The following RNF150 variants were observed in gnomAD, a reference collection of about 807,000 sequenced individuals.
RNF150 encodes the protein ring finger protein 150.
RNF150 carries 24 observed loss-of-function variants against 39.3 expected under a neutral mutation model. The observed-to-expected ratio is 0.61, with a 90% CI of 0.44 to 0.86. The LOEUF is 0.86. Ranked by LOEUF, RNF150 falls within the 40% of genes least tolerant of loss-of-function variation. The pLI is 0.00. For synonymous variants in RNF150, 255 were observed against 227.3 expected, an observed-to-expected ratio of 1.12 and a Z score of -1.10; for missense variants, 502 against 587.8, an observed-to-expected ratio of 0.85 and a Z score of 1.51.
intron 1 of RNF150, among the ~76,000 whole-genome samples, chr4:141,109,834 A>G (rs940335787): frequency 3.9e-5 from 6 of 152,218 alleles, no homozygotes; most frequent in African/African-American, 1.4e-4. Context: ...CCAAGATTCG[A>G]GAAAGAAAGA....
chr4:140,947,375 AC>A (rs368874034), intron 4 of RNF150, among the ~76,000 whole-genome samples: 52 of 152,352 alleles, frequency 3.4e-4, no homozygotes, highest in Non-Finnish European at 5.7e-4. Context: ...CTTGGCGGCC[AC>A]ATCATCAAAT....
intron 1 of RNF150, among the ~76,000 whole-genome samples, chr4:141,206,070 G>A (rs1032395971): frequency 1.1e-4 from 16 of 152,028 alleles, no homozygotes; most frequent in Non-Finnish European, 2.1e-4. Flanking sequence ...CTTTGCTGTC[G>A]TTGCTCTCTT....
intron 6 of RNF150, among the ~76,000 whole-genome samples, chr4:140,892,482 G>A (rs977355927): frequency 6.6e-6 from 1 of 152,194 alleles, no homozygotes; most frequent in Non-Finnish European, 1.5e-5. Context: ...AAAAAACCAC[G>A]AGTTTAAGCT....
intron 2 of RNF150, among the ~76,000 whole-genome samples, chr4:140,952,167 C>T (rs534640510): frequency 8.5e-5 from 13 of 152,068 alleles, no homozygotes; most frequent in Admixed American, 3.3e-4. Flanking sequence ...CCCGCCACCA[C>T]GCCTGGCTGA....
chr4:141,157,723 A>T (rs1035464407), intron 1 of RNF150, among the ~76,000 whole-genome samples: 18 of 152,296 alleles, frequency 1.2e-4, no homozygotes, highest in African/African-American at 4.1e-4. Flanking sequence ...ATAACATATT[A>T]CCACCTCCTA....
At chr4:140,998,888 G>T (rs1277335662) in intron 1 of RNF150, among the ~76,000 whole-genome samples, 1 of 151,192 alleles carries the variant, frequency 6.6e-6, no homozygotes, top group Admixed American at 6.6e-5. Flanking sequence ...AGTCAAGTTA[G>T]CTTCCAAAAA....
At chr4:141,022,209 G>T (rs569237895) in intron 1 of RNF150, among the ~76,000 whole-genome samples, 2 of 152,004 alleles carry the variant, frequency 1.3e-5, no homozygotes, top group South Asian at 2.1e-4. Flanking sequence ...TTTGCACTGG[G>T]TTTTTTTTAT....
chr4:141,074,464 T>C (rs568302483), intron 1 of RNF150, among the ~76,000 whole-genome samples: 4 of 151,672 alleles, frequency 2.6e-5, no homozygotes, highest in East Asian at 1.9e-4. Flanking sequence ...ACAAAGAAAA[T>C]TGGTTCACAA....
chr4:140,910,503 C>G (rs1730550837), intron 6 of RNF150, among the ~76,000 whole-genome samples: 2 of 152,132 alleles, frequency 1.3e-5, no homozygotes, highest in African/African-American at 4.8e-5. Flanking sequence ...CATTTAGTGA[C>G]TGTCTATGTA....
rs141675394 is a variant in RNF150 at position 141,170,979 on chromosome 4, A to G, written c.-6+41815T>C. Among the ~76,000 whole-genome samples the G allele has an allele frequency of 2.0e-3, 297 of 152,272 alleles. 1 individual carries two copies. Among genetic ancestry groups the G allele is most frequent in the Middle Eastern group, 3.4e-3 (1 of 294 alleles). Reference sequence around the variant, plus strand: ...ACAGTACATCCAAGGCCTGTGCTAGAAGCTGAGAACACAAAGAGGAATACG... The same window carrying G: ...ACAGTACATCCAAGGCCTGTGCTAGGAGCTGAGAACACAAAGAGGAATACG... On this transcript the variant is annotated intron_variant, in intron 1 of 7. Transcript: ENST00000420921.
chr4:140,911,114 C>T, intron 6 of RNF150, 30 bp downstream of exon 6: 1 of 1,569,242 alleles, frequency 6.4e-7, no homozygotes, highest in East Asian at 2.2e-5. Context: ...GTCCTTCTGG[C>T]TATGTCACTT....
intron 1 of RNF150, among the ~76,000 whole-genome samples, chr4:141,130,460 C>T (rs1332214756): frequency 6.6e-6 from 1 of 152,048 alleles, no homozygotes; most frequent in Non-Finnish European, 1.5e-5. Context: ...ACTAAACTTC[C>T]ACTCCCACTA....
intron 1 of RNF150, among the ~76,000 whole-genome samples, chr4:141,123,154 G>A (rs1485255488): frequency 2.0e-5 from 3 of 152,234 alleles, no homozygotes; most frequent in African/African-American, 4.8e-5. Flanking sequence ...TGAAATTAGA[G>A]ATGAACATAT....
intron 1 of RNF150, among the ~76,000 whole-genome samples, chr4:141,059,546 G>T (rs1485224237): frequency 1.3e-5 from 2 of 151,780 alleles, no homozygotes; most frequent in Non-Finnish European, 2.9e-5. Flanking sequence ...AATTCATCCA[G>T]TTGCAATTCT....
intron 1 of RNF150, among the ~76,000 whole-genome samples, chr4:141,189,562 T>A (rs1398750902): frequency 1.3e-5 from 2 of 152,158 alleles, no homozygotes; most frequent in Non-Finnish European, 2.9e-5. Flanking sequence ...AGCCTCTGAC[T>A]GGGGCTGCTG....
chr4:140,923,651 G>C (rs548936015), intron 5 of RNF150, among the ~76,000 whole-genome samples: 1 of 152,268 alleles, frequency 6.6e-6, no homozygotes, highest in Non-Finnish European at 1.5e-5. Context: ...AAATCATGCT[G>C]TTATAAAGAC....
rs75658769 is a variant in RNF150, at chr4:141,180,656, C to A, written c.-6+32138G>T. Among the ~76,000 whole-genome samples, 403 of 152,140 alleles carry A rather than the reference C, an allele frequency of 2.6e-3. 1 individual carries two copies. The highest frequency in any genetic ancestry group is 9.2e-3 in the African/African-American group (381 of 41,524). On this transcript the variant is annotated intron_variant, in intron 1 of 7. Transcript: ENST00000420921. ...CCTTTTCTCTGTTTGGTGCCATACT[C>A]CTCATCTGAATTTCCTAAAAATGAA...
intron 5 of RNF150, among the ~76,000 whole-genome samples, chr4:140,915,158 G>T (rs565797215): frequency 1.3e-5 from 2 of 152,234 alleles, no homozygotes; most frequent in South Asian, 4.1e-4. Context: ...GCATAAGTAA[G>T]GAATGCAGAG....
intron 1 of RNF150, among the ~76,000 whole-genome samples, chr4:141,010,786 AC>A (rs1220073700): frequency 1.3e-5 from 2 of 152,036 alleles, no homozygotes; most frequent in East Asian, 3.9e-4. Flanking sequence ...CAGAAGATGG[AC>A]CCAGGGAGGA....
Sources: gnomAD v4.1 joint callset for allele counts (sites outside exome capture counted in the v4.1 genomes callset) on GRCh38, gnomAD v4.1.1 for gene constraint, MANE v1.5 for transcripts, NCBI Gene and HGNC (gene_info 2026-07-23, HGNC 2026-07-21) for gene names.